The following ZNF544 variants were observed in gnomAD, a reference collection of about 807,000 sequenced individuals.
ZNF544 encodes zinc finger protein AF020591.
ZNF544 carries 10 observed loss-of-function variants against 13.5 expected under a neutral mutation model. That is an observed-to-expected ratio of 0.74 (90% CI 0.46 to 1.25). ZNF544 has a LOEUF of 1.25. Ranked by LOEUF, ZNF544 falls within the 50% of genes most tolerant of loss-of-function variation. The pLI, the probability that ZNF544 is intolerant of heterozygous loss-of-function variation, is 0.00. For missense variants in ZNF544, 896 were observed against 845.6 expected (o/e 1.06, Z -0.74); for synonymous variants, 323 against 300.5 (o/e 1.07, Z -0.77).
chr19:58,264,690 CAAAA>C (rs919476204), downstream of ZNF544, among the ~76,000 whole-genome samples: 3 of 151,054 alleles, frequency 2.0e-5, no homozygotes, highest in African/African-American at 7.3e-5. Flanking sequence ...GACTGTGTCT[CAAAA>C]AAACAAACAA....
chr19:58,244,138 C>T lies in ZNF544; in HGVS notation c.33+82C>T. 3.2e-6 allele frequency: 4 copies of T among 1,266,122 alleles called. No homozygotes were observed. The South Asian group carries it at 4.1e-5, about 13-fold the overall frequency. The allele number at this position is 1,266,122 out of a possible 1,614,324, so 78.4% of individuals were successfully genotyped here. On this transcript the variant is annotated intron_variant, in intron 4 of 6. Coordinates refer to ENST00000687789, the MANE Select transcript of ZNF544 (RefSeq NM_014480.4). ...CAGGAATAGCACCCGCCCCTGCAGGCTGTCACACAGGAGCGCTCCGCAGTG... is the reference window on the plus strand; with the variant it reads ...CAGGAATAGCACCCGCCCCTGCAGGTTGTCACACAGGAGCGCTCCGCAGTG...
chr19:58,240,475 T>G (rs2043335917), intron 3 of ZNF544, among the ~76,000 whole-genome samples: 1 of 151,944 alleles, frequency 6.6e-6, no homozygotes, highest in Non-Finnish European at 1.5e-5. Flanking sequence ...GCCAGGATGG[T>G]CTCTATCTCC....
chr19:58,263,000 T>C lies in ZNF544; in HGVS notation c.*246T>C. 7.8e-7 allele frequency: 1 copy of C among 1,282,502 alleles called. No individual in the cohort carries two copies. Among genetic ancestry groups the C allele is most frequent in the African/African-American group, 1.5e-5 (1 of 66,764 alleles). The allele number at this position is 1,282,502 out of a possible 1,614,324, so 79.4% of individuals were successfully genotyped here. A position where few individuals can be genotyped will look rare whatever the true frequency, so the allele number is the denominator to read the frequency against. ...ACACACTGGAGGCAAACCCTATGAATGTGACCATTGCGAGAAAGCCTTTAG... is the reference window on the plus strand; with the variant it reads ...ACACACTGGAGGCAAACCCTATGAACGTGACCATTGCGAGAAAGCCTTTAG... On this transcript the variant is annotated 3_prime_UTR_variant, in exon 7 of 7. Transcript: ENST00000687789.
At chr19:58,270,844 AAATGT>A (rs2050547054) in intron 5 of ZNF544, among the ~76,000 whole-genome samples, 1 of 152,222 alleles carries the variant, frequency 6.6e-6, no homozygotes, top group Non-Finnish European at 1.5e-5. Flanking sequence ...TTAAAGCTTG[AAATGT>A]AATATGAGAG....
At chr19:58,245,070 C>T (rs1253962693) in intron 4 of ZNF544, among the ~76,000 whole-genome samples, 1 of 151,888 alleles carries the variant, frequency 6.6e-6, no homozygotes, top group Non-Finnish European at 1.5e-5. Flanking sequence ...GCCTCGGCCT[C>T]CCAAGTAGCT....
downstream of ZNF544, among the ~76,000 whole-genome samples, chr19:58,266,212 C>CAAAAAAAA (rs760851818): frequency 8.0e-4 from 37 of 46,184 alleles, 1 homozygote; most frequent in East Asian, 2.5e-3. Flanking sequence ...GACTCTGTCT[C>CAAAAAAAA]AAAAAAAAAA....
In ZNF544 at chr19:58,262,381, T is replaced by C. The variant is rs2049158872; in HGVS notation, c.1775T>C (p.Val592Ala). 2.5e-6 allele frequency: 4 copies of C among 1,614,036 alleles called. No individual in the cohort carries two copies. Among genetic ancestry groups the C allele is most frequent in the Non-Finnish European group, 3.4e-6 (4 of 1,180,014 alleles). The change falls in exon 7 of 7, where the codon GTT becomes GCT. Residue 592 changes from valine (V) to alanine (A), a missense_variant. By Grantham distance (64) the Val-to-Ala change is moderately conservative. Coordinates refer to ENST00000687789, the MANE Select transcript of ZNF544 (RefSeq NM_014480.4). The part of the protein sequence containing the change: ...GKSFSQSYQL[V>A]AHKRTHTGEK... ...TCCTTCAGCCAAAGCTATCAGTTAG[T>C]TGCACATAAAAGAACTCACACTGGA...
Position 58,272,872 on chromosome 19 carries a change from C to G in ZNF544, c.245-3451C>G, listed in dbSNP as rs541852183. On this transcript the variant is annotated intron_variant, in intron 5 of 6. Transcript: ENST00000595981. ...TGGGCTACAGAGCGAGTCTCCTTCTCAAAAAAAAAAAGAAAAGAAAAGAAA... is the reference window on the plus strand; with the variant it reads ...TGGGCTACAGAGCGAGTCTCCTTCTGAAAAAAAAAAAGAAAAGAAAAGAAA... Among the ~76,000 whole-genome samples the G allele has an allele frequency of 1.7e-4, 22 of 128,634 alleles. No individual in the cohort carries two copies. In the South Asian group the frequency reaches 5.4e-3, roughly 32 times the overall value. 84.4% of individuals were successfully genotyped at this position (128,634 alleles called of 152,430 possible). A position where few individuals can be genotyped will look rare whatever the true frequency, so the allele number is the denominator to read the frequency against.
At chr19:58,234,752 C>A (rs1165262659) in intron 3 of ZNF544, among the ~76,000 whole-genome samples, 6 of 152,304 alleles carry the variant, frequency 3.9e-5, no homozygotes, top group Non-Finnish European at 8.8e-5. Flanking sequence ...TTGGAAAACT[C>A]CTAAATATTC....
At chr19:58,237,426 C>T (rs952264101) in intron 3 of ZNF544, among the ~76,000 whole-genome samples, 12 of 152,146 alleles carry the variant, frequency 7.9e-5, no homozygotes, top group Non-Finnish European at 1.5e-4. Flanking sequence ...GACACTGAGC[C>T]GCTCCAGGCC....
chr19:58,276,545 G>T (rs2051237080), intron 6 of ZNF544: 1 of 514,856 alleles, frequency 1.9e-6, no homozygotes, highest in Non-Finnish European at 2.9e-6. Flanking sequence ...TCAGCTAATC[G>T]CAACCTCCGC....
At chr19:58,244,106 A>G in intron 4 of ZNF544, 50 bp downstream of exon 4, 4 of 1,547,276 alleles carry the variant, frequency 2.6e-6, no homozygotes, top group Non-Finnish European at 2.7e-6. Context: ...TAGATGTAAA[A>G]TGGGTCCAGG....
intron 5 of ZNF544, among the ~76,000 whole-genome samples, chr19:58,274,499 T>C (rs539322932): frequency 6.0e-4 from 91 of 152,296 alleles, no homozygotes; most frequent in Non-Finnish European, 1.1e-3. Context: ...ATGGAACATA[T>C]ACTTTCTTGT....
intron 6 of ZNF544, among the ~76,000 whole-genome samples, chr19:58,254,951 G>C (rs911519156): frequency 6.6e-6 from 1 of 150,906 alleles, no homozygotes; most frequent in African/African-American, 2.4e-5. Context: ...GCAGTGGCGC[G>C]ATCTCGGCTC....
chr19:58,256,758 C>T (rs1374219516), intron 6 of ZNF544, among the ~76,000 whole-genome samples: 1 of 152,152 alleles, frequency 6.6e-6, no homozygotes, highest in African/African-American at 2.4e-5. Flanking sequence ...CCCAGGCCAA[C>T]TCCTTAGGAA....
intron 5 of ZNF544, among the ~76,000 whole-genome samples, chr19:58,273,386 T>C (rs2050876591): frequency 6.6e-6 from 1 of 151,538 alleles, no homozygotes; most frequent in Admixed American, 6.6e-5. Flanking sequence ...GAATACAAAA[T>C]ACCAAAGCTT....
At chr19:58,242,997 C>G (rs1440172410) in intron 3 of ZNF544, among the ~76,000 whole-genome samples, 1 of 151,994 alleles carries the variant, frequency 6.6e-6, no homozygotes, top group African/African-American at 2.4e-5. Context: ...ACCTGGCTGG[C>G]TAACGTTTTT....
At chr19:58,265,634 C>T (rs1011019732), downstream of ZNF544, among the ~76,000 whole-genome samples, 1 of 149,014 alleles carries the variant, frequency 6.7e-6, no homozygotes, top group African/African-American at 2.5e-5. Context: ...GTTGCTCTGT[C>T]ACCCAGGCTG....
chr19:58,229,503 G>A lies in ZNF544; in HGVS notation c.-196G>A, dbSNP rs1205565553. 6.6e-6 allele frequency: 1 copy of A among 152,320 alleles called. No homozygotes were observed. Among genetic ancestry groups the A allele is most frequent in the African/African-American group, 2.4e-5 (1 of 41,456 alleles). 9.4% of individuals were successfully genotyped at this position (152,320 alleles called of 1,614,324 possible). A position where few individuals can be genotyped will look rare whatever the true frequency, so the allele number is the denominator to read the frequency against. ...AGAGCCTCCTGGCACAGCGGCACCA[G>A]GCAGGTGACGCCTATTGGACCCCAG... On this transcript the variant is annotated 5_prime_UTR_variant, in exon 2 of 7. Transcript: ENST00000687789.
Sources: gnomAD v4.1 joint callset for allele counts (sites outside exome capture counted in the v4.1 genomes callset) on GRCh38, gnomAD v4.1.1 for gene constraint, MANE v1.5 for transcripts, NCBI Gene and HGNC (gene_info 2026-07-23, HGNC 2026-07-21) for gene names.